Variants in TAFA1 observed in about 807,000 individuals in gnomAD.
The protein encoded by TAFA1 is chemokine-like protein TAFA-1.
Under a neutral mutation model 18.5 loss-of-function variants are expected in TAFA1, and 4 were observed. The ratio of observed to expected loss-of-function variants is 0.22; its 90% CI spans 0.11 to 0.49. TAFA1 has a LOEUF of 0.49. TAFA1 is among the 20% of genes least tolerant of loss of function. The pLI, the probability that TAFA1 is intolerant of heterozygous loss-of-function variation, is 0.98. For synonymous variants in TAFA1, 56 were observed against 55.2 expected, an observed-to-expected ratio of 1.01 and a Z score of -0.06; for missense variants, 147 against 169.0, an observed-to-expected ratio of 0.87 and a Z score of 0.72.
chr3:68,469,603 G>A (rs1474693413), intron 3 of TAFA1, among the ~76,000 whole-genome samples: 3 of 152,130 alleles, frequency 2.0e-5, no homozygotes, highest in Non-Finnish European at 4.4e-5. Flanking sequence ...AACCCGGGAG[G>A]TGGAGCTTGC....
intron 2 of TAFA1, among the ~76,000 whole-genome samples, chr3:68,151,785 T>C (rs1451361765): frequency 1.3e-5 from 2 of 152,188 alleles, no homozygotes; most frequent in Non-Finnish European, 2.9e-5. Context: ...CACATGAACT[T>C]TGGGGAACAC....
chr3:68,358,891 C>A lies in TAFA1; in HGVS notation c.119-58389C>A, dbSNP rs200115261. Among the ~76,000 whole-genome samples the A allele has an allele frequency of 2.5e-3, 381 of 151,418 alleles. 1 individual carries two copies. The highest frequency in any genetic ancestry group is 0.017 in the Middle Eastern group (5 of 290). On this transcript the variant is annotated intron_variant, in intron 2 of 4. Transcript: ENST00000478136. ...ATCTGAATTGATTTTCTGTTTCCAG[C>A]CTACCTAAGAAGTTTAATCCCACCT...
At chr3:68,439,475 T>A (rs1319284632) in intron 3 of TAFA1, among the ~76,000 whole-genome samples, 1 of 128,346 alleles carries the variant, frequency 7.8e-6, no homozygotes, top group Non-Finnish European at 1.6e-5. Context: ...ACTCACACAA[T>A]CACAAGGCCT....
At chr3:68,256,619 T>C (rs571933529) in intron 2 of TAFA1, among the ~76,000 whole-genome samples, 2 of 152,290 alleles carry the variant, frequency 1.3e-5, no homozygotes, top group South Asian at 4.1e-4. Flanking sequence ...CATAGTCTTG[T>C]ACATAGTTTA....
chr3:68,454,511 A>T (rs1339273315), intron 3 of TAFA1, among the ~76,000 whole-genome samples: 5 of 152,186 alleles, frequency 3.3e-5, no homozygotes, highest in Non-Finnish European at 7.3e-5. Context: ...CTGGATTAAT[A>T]GAGGAATCCC....
At chr3:68,161,143 A>G (rs922723532) in intron 2 of TAFA1, among the ~76,000 whole-genome samples, 2 of 152,220 alleles carry the variant, frequency 1.3e-5, no homozygotes, top group African/African-American at 2.4e-5. Flanking sequence ...GAAGCTACAA[A>G]AACAATGTTT....
chr3:68,516,648 G>A (rs1575942403), intron 3 of TAFA1, among the ~76,000 whole-genome samples: 1 of 152,210 alleles, frequency 6.6e-6, no homozygotes, highest in Non-Finnish European at 1.5e-5. Context: ...GGCAATAAAA[G>A]AACAGGAGAG....
chr3:68,182,684 G>C (rs188534294), intron 2 of TAFA1, among the ~76,000 whole-genome samples: 3 of 152,172 alleles, frequency 2.0e-5, no homozygotes, highest in Admixed American at 2.0e-4. Context: ...ATTTTAATGT[G>C]AGTTTTAACA....
At position 68,021,988 on chromosome 3, in the gene TAFA1, C is replaced by T. The variant is rs150824733; in HGVS notation, c.118+15244C>T. Reference sequence around the variant, plus strand: ...TGTCCTCATTAACATACTTCAAAAACGCTGTTAAGTATTTCTGGCAAGCAG... The same window carrying T: ...TGTCCTCATTAACATACTTCAAAAATGCTGTTAAGTATTTCTGGCAAGCAG... On this transcript the variant is annotated intron_variant, in intron 2 of 4. Transcript: ENST00000478136. 2.6e-3 allele frequency among the ~76,000 whole-genome samples: 398 copies of T among 152,142 alleles called. 1 individual carries two copies. The highest frequency in any genetic ancestry group is 9.0e-3 in the African/African-American group (373 of 41,522).
chr3:68,298,586 G>C (rs9810477), intron 2 of TAFA1, among the ~76,000 whole-genome samples: 18 of 152,166 alleles, frequency 1.2e-4, no homozygotes, highest in African/African-American at 4.1e-4. Context: ...TGTGTCAAGG[G>C]AGAGACCAGG....
At chr3:68,149,301 T>C (rs1161502616) in intron 2 of TAFA1, among the ~76,000 whole-genome samples, 1 of 152,228 alleles carries the variant, frequency 6.6e-6, no homozygotes, top group South Asian at 2.1e-4. Flanking sequence ...ACTAAGGCTA[T>C]CCCATTTCAC....
At chr3:68,488,285 G>A (rs750754685) in intron 3 of TAFA1, among the ~76,000 whole-genome samples, 1 of 152,148 alleles carries the variant, frequency 6.6e-6, no homozygotes. Flanking sequence ...GGAGAAAGAC[G>A]TAGGCCAGAA....
At chr3:68,292,404 ACT>A (rs2068124556) in intron 2 of TAFA1, among the ~76,000 whole-genome samples, 1 of 138,934 alleles carries the variant, frequency 7.2e-6, no homozygotes, top group South Asian at 2.5e-4. Context: ...ACAGAGTGAG[ACT>A]CTGTCAAAAA....
At chr3:68,365,848 T>G (rs262179) in intron 2 of TAFA1, among the ~76,000 whole-genome samples, 94,573 of 151,872 alleles carry the variant, frequency 0.62, 30,193 homozygotes, top group East Asian at 1. Flanking sequence ...AGCACTTTGG[T>G]AGGCCAAGGC....
chr3:68,179,474 A>G (rs2066168417), intron 2 of TAFA1, among the ~76,000 whole-genome samples: 1 of 152,110 alleles, frequency 6.6e-6, no homozygotes, highest in Non-Finnish European at 1.5e-5. Flanking sequence ...TCCTTTTAAC[A>G]TTGGTCTGCA....
intron 2 of TAFA1, among the ~76,000 whole-genome samples, chr3:68,207,411 G>T (rs752663552): frequency 6.6e-6 from 1 of 151,918 alleles, no homozygotes; most frequent in Non-Finnish European, 1.5e-5. Context: ...TACCTGTGCA[G>T]TAGAGTATTG....
At chr3:68,171,344 G>C (rs2106959650) in intron 2 of TAFA1, among the ~76,000 whole-genome samples, 1 of 152,292 alleles carries the variant, frequency 6.6e-6, no homozygotes. Context: ...CCTCCAGAAA[G>C]AAATGCAGTC....
intron 2 of TAFA1, among the ~76,000 whole-genome samples, chr3:68,075,030 G>T (rs2064806953): frequency 6.6e-6 from 1 of 152,146 alleles, no homozygotes. Flanking sequence ...CAAGACTGAG[G>T]ACCAGACAAA....
At chr3:68,412,607 A>G (rs531942608) in intron 2 of TAFA1, among the ~76,000 whole-genome samples, 66 of 152,148 alleles carry the variant, frequency 4.3e-4, no homozygotes, top group Admixed American at 4.3e-3. Flanking sequence ...ATTCTCACCT[A>G]TGAGTGAGAA....
Sources: gnomAD v4.1 joint callset for allele counts (sites outside exome capture counted in the v4.1 genomes callset) on GRCh38, gnomAD v4.1.1 for gene constraint, MANE v1.5 for transcripts, NCBI Gene and HGNC (gene_info 2026-07-23, HGNC 2026-07-21) for gene names.